Variants in MYT1 observed in about 807,000 individuals in gnomAD.
MYT1 encodes myelin transcription factor I.
MYT1 carries 23 observed loss-of-function variants against 123.0 expected under a neutral mutation model. That is an observed-to-expected ratio of 0.19 (90% CI 0.13 to 0.26). The LOEUF (loss-of-function observed/expected upper bound fraction) is 0.26. Among genes scored for constraint, MYT1 ranks in the 10% least tolerant of loss-of-function variants. The pLI is 1.00. For synonymous variants in MYT1, 518 were observed against 575.3 expected, an observed-to-expected ratio of 0.90 and a Z score of 1.43; for missense variants, 1,125 against 1,472.5, an observed-to-expected ratio of 0.76 and a Z score of 3.86.
chr20:64,215,814 G>A (rs76076287), intron 10 of MYT1, among the ~76,000 whole-genome samples: 3,398 of 151,176 alleles, frequency 0.022, 151 homozygotes, highest in African/African-American at 0.078. Flanking sequence ...GCCCAAGCCG[G>A]TTTCTTACTC....
intron 4 of MYT1, 98 bp from the exon 5 acceptor site, chr20:64,204,937 G>A (rs556487766): frequency 3.4e-5 from 42 of 1,242,328 alleles, no homozygotes; most frequent in African/African-American, 2.8e-4. Context: ...GAGGTGAATC[G>A]TCTGGAGACA....
rs1204389820 is a variant in MYT1 at position 64,167,546 on chromosome 20, G to A, written c.-99+2807G>A. The stretch of plus-strand genomic sequence containing the variant: ...CGGTCACCTGATCTGCGAGCAGGCA[G>A]GGTACTGGACGGTCAGCCAGACTTT... On this transcript the variant is annotated intron_variant, in intron 1 of 22. Transcript: ENST00000328439. This position sits in a 1 kb window ranked among gnomAD's most constrained non-coding sequence, Gnocchi z 6.3. Among the ~76,000 whole-genome samples, 1 of 152,196 alleles carries A rather than the reference G, an allele frequency of 6.6e-6. No individual in the cohort carries two copies. The highest frequency in any genetic ancestry group is 1.5e-5 in the Non-Finnish European group (1 of 68,042).
At position 64,242,096 on chromosome 20, in the gene MYT1, C is replaced by T. The variant is rs1025414125; in HGVS notation, c.*1648C>T. On this transcript the variant is annotated 3_prime_UTR_variant, in exon 23 of 23. Transcript: ENST00000328439. ...GCTGTGAGGGAGTGCTGGCCGCAGG[C>T]AGCCTCGAGTCACCGCCAGGCTCAC... 3.9e-5 allele frequency: 6 copies of T among 152,596 alleles called. No homozygotes were observed. Among genetic ancestry groups the T allele is most frequent in the African/African-American group, 1.4e-4 (6 of 41,452 alleles). 9.5% of individuals were successfully genotyped at this position (152,596 alleles called of 1,614,324 possible). A position where few individuals can be genotyped will look rare whatever the true frequency, so the allele number is the denominator to read the frequency against.
chr20:64,237,743 A>G (rs1013864541), intron 21 of MYT1, among the ~76,000 whole-genome samples: 1 of 152,218 alleles, frequency 6.6e-6, no homozygotes, highest in Admixed American at 6.5e-5. Flanking sequence ...CAGCGGTCCC[A>G]TTAGGATTAC....
Position 64,227,041 on chromosome 20 carries a change from G to C in MYT1, c.2529-374G>C, listed in dbSNP as rs2273445. ...CCTTTAGTCCAGACCGGACCCTACAGAAGTCCAAGCTGGGAGCCCTTCGTG... is the reference window on the plus strand; with the variant it reads ...CCTTTAGTCCAGACCGGACCCTACACAAGTCCAAGCTGGGAGCCCTTCGTG... On this transcript the variant is annotated intron_variant, in intron 16 of 22. Transcript: ENST00000328439. Among the ~76,000 whole-genome samples, 188 of 152,346 alleles carry C rather than the reference G, an allele frequency of 1.2e-3. 2 individuals carry two copies. The East Asian group carries it at 0.018, about 14-fold the overall frequency.
At chr20:64,198,945 C>T in intron 3 of MYT1, 29 bp downstream of exon 3, 1 of 1,611,578 alleles carries the variant, frequency 6.2e-7, no homozygotes. Flanking sequence ...TCCTCCAGGG[C>T]TGTAAATGCC....
intron 3 of MYT1, 114 bp from the exon 4 acceptor site, chr20:64,199,778 T>A: frequency 8.1e-7 from 1 of 1,239,620 alleles, no homozygotes; most frequent in Non-Finnish European, 1.2e-6. Flanking sequence ...GAGATTTGCC[T>A]CCACTCGTCC....
Position 64,189,679 on chromosome 20 carries a change from G to A in MYT1, c.-98-384G>A, listed in dbSNP as rs532375972. Among the ~76,000 whole-genome samples the A allele has an allele frequency of 6.6e-6, 1 of 152,308 alleles. No individual in the cohort carries two copies. The highest frequency in any genetic ancestry group is 2.4e-5 in the African/African-American group (1 of 41,550). On this transcript the variant is annotated intron_variant, in intron 1 of 22. Coordinates refer to ENST00000328439, the MANE Select transcript of MYT1 (RefSeq NM_004535.3). This position sits in a 1 kb window ranked among gnomAD's most constrained non-coding sequence, Gnocchi z 5.5. ...GGGCAGAAGGATCTGGTTGTAATGC[G>A]AATAATTACTCATTAGTCAGCTCAT...
At position 64,225,538 on chromosome 20, in the gene MYT1, C is replaced by T. The variant is rs533564612; in HGVS notation, c.2529-1877C>T. On this transcript the variant is annotated intron_variant, in intron 16 of 22. Transcript: ENST00000328439. ...CACACACCTGCCAGGGCATGACAGGCTTTGTGCAGGGTGAAGAATGCCTGT... is the reference window on the plus strand; with the variant it reads ...CACACACCTGCCAGGGCATGACAGGTTTTGTGCAGGGTGAAGAATGCCTGT... 5.3e-5 allele frequency among the ~76,000 whole-genome samples: 8 copies of T among 152,340 alleles called. No individual in the cohort carries two copies. In the South Asian group the frequency reaches 1.7e-3, roughly 32 times the overall value.
rs779644427 is a variant in MYT1 at position 64,239,780 on chromosome 20, C to T, written c.3114C>T (p.Asn1038=). ...LQSQISSMEK[N]LKNIEEENKL... ...CACAGATCTCCTCCATGGAGAAGAA[C>T]CTGAAGAACATCGAGGAGGAGAACA... The change falls in exon 22 of 23, where the codon AAC becomes AAT. Residue 1038 remains asparagine, a synonymous_variant. Coordinates refer to ENST00000328439, the MANE Select transcript of MYT1 (RefSeq NM_004535.3). 1.2e-6 allele frequency: 2 copies of T among 1,613,952 alleles called. No homozygotes were observed. Among genetic ancestry groups the T allele is most frequent in the Non-Finnish European group, 1.7e-6 (2 of 1,180,004 alleles).
rs1331003284 is a variant in MYT1, at chr20:64,208,690, C to G, written c.1291+203C>G. 1.3e-5 allele frequency among the ~76,000 whole-genome samples: 2 copies of G among 148,722 alleles called. No homozygotes were observed. Among genetic ancestry groups the G allele is most frequent in the East Asian group, 3.9e-4 (2 of 5,188 alleles). On this transcript the variant is annotated intron_variant, in intron 7 of 22. Transcript: ENST00000328439. This position sits in a 1 kb window ranked among gnomAD's most constrained non-coding sequence, Gnocchi z 5.4. The stretch of plus-strand genomic sequence containing the variant: ...CTGCTTTACATAGAGCGATCTGGAG[C>G]GAGACACAGCGGAGACGTGTGAGAA...
chr20:64,202,016 C>CCGCGTG lies in MYT1; in HGVS notation c.86+2094_86+2095insCGCGTG, dbSNP rs1568708218. On this transcript the variant is annotated intron_variant, in intron 4 of 22. Transcript: ENST00000328439. This position sits in a 1 kb window ranked among gnomAD's most constrained non-coding sequence, Gnocchi z 5.0. ...GGGAACCCCCGCGTGTCGGGAACCC[C>CCGCGTG]TCGCGTGTCGGGAACCCCCGCGTGT... Among the ~76,000 whole-genome samples, 544 of 54,174 alleles carry CCGCGTG rather than the reference C, an allele frequency of 0.01. 5 individuals are homozygous for CCGCGTG. Among genetic ancestry groups the CCGCGTG allele is most frequent in the African/African-American group, 0.032 (494 of 15,226 alleles). 35.5% of individuals were successfully genotyped at this position (54,174 alleles called of 152,430 possible). A position where few individuals can be genotyped will look rare whatever the true frequency, so the allele number is the denominator to read the frequency against.
At chr20:64,221,635 G>C (rs1030940467) in intron 13 of MYT1, among the ~76,000 whole-genome samples, 1 of 152,172 alleles carries the variant, frequency 6.6e-6, no homozygotes, top group Non-Finnish European at 1.5e-5. Flanking sequence ...CTGCCACACT[G>C]GGCAGCACCA....
intron 19 of MYT1, among the ~76,000 whole-genome samples, chr20:64,233,073 C>T (rs1268601489): frequency 6.6e-6 from 1 of 150,876 alleles, no homozygotes; most frequent in Non-Finnish European, 1.5e-5. Context: ...AATGCTGACT[C>T]TTCATTCCCT....
rs147056041 is a variant in MYT1 at position 64,207,673 on chromosome 20, C to T, written c.477C>T (p.Ser159=). Residue 159 remains serine, a synonymous_variant, in exon 7 of 23, where the codon AGC becomes AGT. Coordinates refer to ENST00000328439, the MANE Select transcript of MYT1 (RefSeq NM_004535.3). ...CCTCCTCCAAGGGCAGCTACAGCAGCTACCAGGGAATCATCGCAACTTCTC... is the reference window on the plus strand; with the variant it reads ...CCTCCTCCAAGGGCAGCTACAGCAGTTACCAGGGAATCATCGCAACTTCTC... The part of the protein sequence containing the change: ...ATASSKGSYS[S]YQGIIATSLL... 1.2e-3 allele frequency: 1,994 copies of T among 1,614,114 alleles called. 30 individuals carry two copies. In the African/African-American group the frequency reaches 0.024, roughly 19 times the overall value.
At position 64,208,202 on chromosome 20, in the gene MYT1, C is replaced by A. The variant is rs1376888801; in HGVS notation, c.1006C>A (p.Pro336Thr). The A allele has an allele frequency of 6.2e-7, 1 of 1,613,972 alleles. No homozygotes were observed. Among genetic ancestry groups the A allele is most frequent in the Non-Finnish European group, 8.5e-7 (1 of 1,180,008 alleles). The change falls in exon 7 of 23, where the codon CCC (proline) becomes ACC (threonine). Residue 336 changes from proline to threonine, a missense_variant. Around this residue, in one of 4 missense-constraint regions of MYT1, gnomAD observed 406 missense variants for 432.2 expected, o/e 0.94. Coordinates refer to ENST00000328439, the MANE Select transcript of MYT1 (RefSeq NM_004535.3). The surrounding 1 kb of genome is among the most constrained non-coding windows in gnomAD (Gnocchi z 5.4). Reference protein sequence around the residue: ...PELRGPESPSPKPEYSVIVEV... With the variant: ...PELRGPESPSTKPEYSVIVEV... ...GCTCCGGGGCCCAGAATCACCCAGT[C>A]CCAAGCCTGAGTACTCTGTTATTGT...
Position 64,193,489 on chromosome 20 carries a change from C to T in MYT1, c.-1+3329C>T, listed in dbSNP as rs2145705055. Among the ~76,000 whole-genome samples, 1 of 152,298 alleles carries T rather than the reference C, an allele frequency of 6.6e-6. No individual in the cohort carries two copies. On this transcript the variant is annotated intron_variant, in intron 2 of 22. Transcript: ENST00000328439. The surrounding 1 kb of genome is among the most constrained non-coding windows in gnomAD (Gnocchi z 4.0). ...ACTGTCTGCTGTAATGGCTTCACAG[C>T]AGTGACAGGGAAGTTGATGCTGCCC... is the stretch of plus-strand genomic sequence containing the variant.
chr20:64,219,108 C>G lies in MYT1; in HGVS notation c.1971+73C>G, dbSNP rs568013631. 4.0e-6 allele frequency: 6 copies of G among 1,507,148 alleles called. No homozygotes were observed. The African/African-American group carries it at 8.3e-5, about 21-fold the overall frequency. The allele number at this position is 1,507,148 out of a possible 1,614,324, so 93.4% of individuals were successfully genotyped here. On this transcript the variant is annotated intron_variant, in intron 12 of 22. Coordinates refer to ENST00000328439, the MANE Select transcript of MYT1 (RefSeq NM_004535.3). Reference sequence around the variant, plus strand: ...GAATTTGCAGTCAGGCCCACCTGCTCTCTGCACAAAATGTCCCTAGGAATG... The same window carrying G: ...GAATTTGCAGTCAGGCCCACCTGCTGTCTGCACAAAATGTCCCTAGGAATG...
chr20:64,237,783 C>T (rs773551816), intron 21 of MYT1, among the ~76,000 whole-genome samples: 10 of 152,192 alleles, frequency 6.6e-5, no homozygotes, highest in African/African-American at 1.9e-4. Context: ...GGTCCATGAG[C>T]GTGGTGCGGT....
Sources: allele counts gnomAD v4.1 joint callset (sites outside exome capture counted in the v4.1 genomes callset), GRCh38; gene constraint gnomAD v4.1.1; regional missense constraint gnomAD v4.1.1; non-coding constraint Gnocchi (gnomAD v3.1); transcripts MANE v1.5; gene names NCBI Gene and HGNC (gene_info 2026-07-23, HGNC 2026-07-21).